Variants in MYO16 observed in about 807,000 individuals in gnomAD.
MYO16 encodes the protein myosin XVI, also known as unconventional myosin-XVI.
A neutral mutation model predicts 205.3 loss-of-function variants in MYO16; 94 were observed. The ratio of observed to expected loss-of-function variants is 0.46; its 90% CI spans 0.39 to 0.54. The LOEUF is 0.54. MYO16 is among the 20% of genes least tolerant of loss of function. The pLI is 0.00. For synonymous variants in MYO16, 988 were observed against 954.0 expected, an observed-to-expected ratio of 1.04 and a Z score of -0.66; for missense variants, 2,315 against 2,387.5, an observed-to-expected ratio of 0.97 and a Z score of 0.63.
At chr13:108,903,288 G>C (rs1232243960) in intron 15 of MYO16, among the ~76,000 whole-genome samples, 2 of 152,170 alleles carry the variant, frequency 1.3e-5, no homozygotes, top group Non-Finnish European at 2.9e-5. Context: ...TAGTTGCTGT[G>C]TTAATTTCTT....
At chr13:108,936,795 C>T (rs1363374133) in intron 16 of MYO16, among the ~76,000 whole-genome samples, 1 of 152,072 alleles carries the variant, frequency 6.6e-6, no homozygotes, top group Non-Finnish European at 1.5e-5. Flanking sequence ...CCACTCTGTG[C>T]CTTTTAAATT....
At chr13:108,939,195 T>C (rs1882618087) in intron 16 of MYO16, among the ~76,000 whole-genome samples, 1 of 152,236 alleles carries the variant, frequency 6.6e-6, no homozygotes, top group Non-Finnish European at 1.5e-5. Flanking sequence ...TTCCCAGTCC[T>C]GGGTCTGGGG....
chr13:108,632,383 C>A, intron 1 of MYO16, among the ~76,000 whole-genome samples: 1 of 152,142 alleles, frequency 6.6e-6, no homozygotes, highest in Non-Finnish European at 1.5e-5. Flanking sequence ...AGGGCAGGAG[C>A]AGGACCTTCT....
intron 6 of MYO16, among the ~76,000 whole-genome samples, chr13:108,804,350 C>T (rs1157806380): frequency 1.3e-5 from 2 of 152,310 alleles, no homozygotes; most frequent in Non-Finnish European, 1.5e-5. Flanking sequence ...TGATAACCAC[C>T]TCTGTGTTTC....
chr13:108,692,845 C>T (rs529076445), intron 2 of MYO16, among the ~76,000 whole-genome samples: 1 of 152,086 alleles, frequency 6.6e-6, no homozygotes. Context: ...GAGTAGAGAC[C>T]GTTAAAAGCT....
At chr13:108,890,957 T>G (rs1365833530) in intron 14 of MYO16, among the ~76,000 whole-genome samples, 1 of 152,176 alleles carries the variant, frequency 6.6e-6, no homozygotes, top group Non-Finnish European at 1.5e-5. Flanking sequence ...TTCATTTGCT[T>G]TCTCACTCCA....
chr13:109,185,759 A>G (rs866685955), intron 34 of MYO16, among the ~76,000 whole-genome samples: 2 of 152,220 alleles, frequency 1.3e-5, no homozygotes, highest in Non-Finnish European at 2.9e-5. Context: ...CCAGAAGTGA[A>G]TCATCACAAT....
the MYO16 span, among the ~76,000 whole-genome samples, chr13:108,556,416 C>T: frequency 2.6e-5 from 4 of 152,014 alleles, no homozygotes; most frequent in South Asian, 8.3e-4. Context: ...TACCCGTTGG[C>T]CATTTGTATG....
intron 4 of MYO16, among the ~76,000 whole-genome samples, chr13:108,743,066 A>C (rs912218613): frequency 6.6e-6 from 1 of 152,244 alleles, no homozygotes; most frequent in Non-Finnish European, 1.5e-5. Context: ...TAAAGCTGTG[A>C]CAAATATGCA....
At chr13:108,644,374 ATCT>A (rs1880648773) in intron 1 of MYO16, among the ~76,000 whole-genome samples, 1 of 116,058 alleles carries the variant, frequency 8.6e-6, no homozygotes, top group East Asian at 2.7e-4. Flanking sequence ...CTATCTATCT[ATCT>A]ATCTATCTAT....
Position 109,140,170 on chromosome 13 carries a change from C to T in MYO16, c.4052-94C>T, listed in dbSNP as rs766218486. ...CCGGTCCCTTGGGATTCTCGGGGCA[C>T]GGGGCCGTGGCTCCCTCCGAGTCGA... On this transcript the variant is annotated intron_variant, in intron 31 of 34. Coordinates refer to ENST00000457511, the MANE Select transcript of MYO16 (RefSeq NM_001198950.3). The surrounding 1 kb of genome is among the most constrained non-coding windows in gnomAD (Gnocchi z 8.0). The T allele has an allele frequency of 2.7e-4, 415 of 1,526,532 alleles. No homozygotes were observed. The highest frequency in any genetic ancestry group is 3.3e-4 in the Non-Finnish European group (383 of 1,147,964). 94.6% of individuals were successfully genotyped at this position (1,526,532 alleles called of 1,614,324 possible).
At chr13:108,677,356 C>CATATATATAT (rs200135645) in intron 2 of MYO16, among the ~76,000 whole-genome samples, 15 of 98,530 alleles carry the variant, frequency 1.5e-4, no homozygotes, top group African/African-American at 4.9e-4. Flanking sequence ...TATATATATG[C>CATATATATAT]ATATATATAT....
intron 31 of MYO16, among the ~76,000 whole-genome samples, chr13:109,136,537 T>C (rs1237159146): frequency 1.3e-5 from 2 of 152,242 alleles, no homozygotes; most frequent in Non-Finnish European, 2.9e-5. Context: ...CATGATTTAC[T>C]CTAGGCAGCT....
intron 23 of MYO16, among the ~76,000 whole-genome samples, chr13:109,039,152 G>C (rs896147083): frequency 5.9e-5 from 9 of 152,196 alleles, no homozygotes; most frequent in African/African-American, 1.7e-4. Flanking sequence ...AGGAGGCTGG[G>C]TAGGGACCTA....
intron 34 of MYO16, among the ~76,000 whole-genome samples, chr13:109,196,440 A>C (rs1337937628): frequency 1.3e-5 from 2 of 152,204 alleles, no homozygotes; most frequent in African/African-American, 4.8e-5. Flanking sequence ...CCATAGGGAA[A>C]TGGGTCTGGA....
rs1337936 is a variant in MYO16 at position 108,895,209 on chromosome 13, C to A, written c.1660-2807C>A. 3.2e-3 allele frequency among the ~76,000 whole-genome samples: 484 copies of A among 151,106 alleles called. 4 individuals are homozygous for A. The highest frequency in any genetic ancestry group is 0.011 in the African/African-American group (446 of 41,116). Reference sequence around the variant, plus strand: ...GAAAAAATACCATACATTATAAATACAAAAAAAAAGTCAATAAAATTTGAA... The same window carrying A: ...GAAAAAATACCATACATTATAAATAAAAAAAAAAAGTCAATAAAATTTGAA... On this transcript the variant is annotated intron_variant, in intron 14 of 34. Transcript: ENST00000457511.
At chr13:109,196,790 A>G (rs917216236) in intron 34 of MYO16, among the ~76,000 whole-genome samples, 4 of 152,186 alleles carry the variant, frequency 2.6e-5, no homozygotes, top group Non-Finnish European at 4.4e-5. Context: ...TTGCTCTCTC[A>G]TTACAGAACT....
chr13:108,715,187 C>G (rs572930232), intron 3 of MYO16, among the ~76,000 whole-genome samples: 2 of 152,332 alleles, frequency 1.3e-5, no homozygotes, highest in South Asian at 4.1e-4. Flanking sequence ...GCTGCTCCTT[C>G]AGCGCTGGCC....
the MYO16 span, among the ~76,000 whole-genome samples, chr13:108,573,266 G>A: frequency 7.2e-5 from 11 of 152,106 alleles, no homozygotes; most frequent in East Asian, 1.9e-4. Context: ...TCTTAGATGC[G>A]GATTATAGGC....
Sources: allele counts gnomAD v4.1 joint callset (sites outside exome capture counted in the v4.1 genomes callset), GRCh38; gene constraint gnomAD v4.1.1; non-coding constraint Gnocchi (gnomAD v3.1); transcripts MANE v1.5; gene names NCBI Gene and HGNC (gene_info 2026-07-23, HGNC 2026-07-21).